Variants in FAP observed in about 807,000 individuals in gnomAD.
The protein encoded by FAP is prolyl endopeptidase FAP.
A neutral mutation model predicts 126.5 loss-of-function variants in FAP; 110 were observed. The ratio of observed to expected loss-of-function variants is 0.87; its 90% CI spans 0.74 to 1.02. The LOEUF is 1.02. FAP is among the 50% of genes least tolerant of loss of function. The probability of loss-of-function intolerance (pLI) is 0.00; values close to 1 mark genes in which losing one functional copy is unlikely to be tolerated. For missense variants in FAP, 919 were observed against 909.2 expected (o/e 1.01, Z -0.14); for synonymous variants, 334 against 297.3 (o/e 1.12, Z -1.27).
intron 2 of FAP, among the ~76,000 whole-genome samples, chr2:162,228,712 A>G (rs1689765939): frequency 6.6e-6 from 1 of 152,190 alleles, no homozygotes; most frequent in African/African-American, 2.4e-5. Context: ...TGTTTAATGA[A>G]ATGGTATTAT....
intron 4 of FAP, among the ~76,000 whole-genome samples, chr2:162,224,750 T>C (rs1233483904): frequency 2.6e-5 from 4 of 152,124 alleles, no homozygotes; most frequent in Admixed American, 6.6e-5. Context: ...AATATATACT[T>C]TGTGATTTCA....
At chr2:162,225,628 T>C in intron 3 of FAP, 51 bp from the exon 4 acceptor site, 4 of 1,509,284 alleles carry the variant, frequency 2.7e-6, no homozygotes, top group Non-Finnish European at 3.6e-6. Context: ...TAACATGAAA[T>C]ACATTCCTAA....
intron 25 of FAP, 123 bp downstream of exon 25, chr2:162,172,688 T>C (rs996148343): frequency 3.1e-6 from 2 of 654,268 alleles, no homozygotes; most frequent in Non-Finnish European, 5.4e-6. Flanking sequence ...ATGTTCTGCC[T>C]ACTCTATCCT....
intron 12 of FAP, among the ~76,000 whole-genome samples, chr2:162,207,918 C>T (rs944352890): frequency 2.0e-5 from 3 of 151,036 alleles, no homozygotes; most frequent in African/African-American, 7.3e-5. Flanking sequence ...ACAGTGTTAG[C>T]CAGGATGGTC....
chr2:162,176,959 C>T (rs1687507618), intron 21 of FAP, among the ~76,000 whole-genome samples: 1 of 152,022 alleles, frequency 6.6e-6, no homozygotes, highest in African/African-American at 2.4e-5. Flanking sequence ...AGAGCAAAAG[C>T]GACTGTATCA....
intron 2 of FAP, among the ~76,000 whole-genome samples, chr2:162,232,952 T>C (rs1475693350): frequency 6.6e-6 from 1 of 152,138 alleles, no homozygotes; most frequent in Non-Finnish European, 1.5e-5. Context: ...ACTTGACATT[T>C]TGGCATGGCT....
In FAP at chr2:162,243,340, T is replaced by C; in HGVS notation, c.-13A>G. 1 of 1,610,868 alleles carries C rather than the reference T, an allele frequency of 6.2e-7. No homozygotes were observed. Among genetic ancestry groups the C allele is most frequent in the South Asian group, 1.1e-5 (1 of 90,616 alleles). On this transcript the variant is annotated 5_prime_UTR_variant, in exon 1 of 26. Coordinates refer to ENST00000188790, the MANE Select transcript of FAP (RefSeq NM_004460.5). ...TACTAACCTTCATTTTTCCAGATGT[T>C]TTTGAAAGTTAGCTAATTCTGTCTT...
At position 162,198,818 on chromosome 2, in the gene FAP, C is replaced by T; in HGVS notation, c.1341G>A (p.Arg447=). The T allele has an allele frequency of 6.2e-6, 10 of 1,613,936 alleles. No homozygotes were observed. The highest frequency in any genetic ancestry group is 8.5e-6 in the Non-Finnish European group (10 of 1,179,862). ...TGAAACTTGCTGTGTAATATTGGCA[C>T]CTTTCTTTCCTTAGATGGCAAGTAA... ...KCVTCHLRKE[R]CQYYTASFSD... is the part of the protein sequence containing the mutation. Residue 447 remains arginine (R), a synonymous_variant, in exon 16 of 26, where the codon AGG becomes AGA. Coordinates refer to ENST00000188790, the MANE Select transcript of FAP (RefSeq NM_004460.5).
intron 5 of FAP, among the ~76,000 whole-genome samples, 200 bp downstream of exon 5, chr2:162,224,266 A>T (rs1056555841): frequency 1.3e-5 from 2 of 152,072 alleles, no homozygotes; most frequent in African/African-American, 4.8e-5. Context: ...ATTATTTTGG[A>T]CTCTGTTCCT....
intron 17 of FAP, among the ~76,000 whole-genome samples, chr2:162,191,362 C>G (rs1576148719): frequency 6.6e-6 from 1 of 152,010 alleles, no homozygotes; most frequent in Non-Finnish European, 1.5e-5. Flanking sequence ...GGCAATTTTT[C>G]CACCTCTTGG....
chr2:162,210,003 G>A lies in FAP; in HGVS notation c.1003-7C>T. ...CTTCTATATGCTCCTGGGTCTAAAA[G>A]ACAAAAGATCACATCGAACATAGTA... On this transcript the variant is annotated splice_region_variant and splice_polypyrimidine_tract_variant and intron_variant, in intron 11 of 25. Transcript: ENST00000188790. 1 of 1,611,796 alleles carries A rather than the reference G, an allele frequency of 6.2e-7. No individual in the cohort carries two copies. Among genetic ancestry groups the A allele is most frequent in the Non-Finnish European group, 8.5e-7 (1 of 1,178,770 alleles).
At chr2:162,173,252 T>C in intron 23 of FAP, 31 bp from the exon 24 acceptor site, 3 of 1,527,290 alleles carry the variant, frequency 2.0e-6, no homozygotes, top group Non-Finnish European at 2.7e-6. Context: ...AACATTTTAG[T>C]TGCTGCAAGT....
intron 10 of FAP, among the ~76,000 whole-genome samples, chr2:162,214,443 A>G (rs371841674): frequency 6.6e-6 from 1 of 152,042 alleles, no homozygotes; most frequent in Non-Finnish European, 1.5e-5. Context: ...CCTTATAATT[A>G]GTTGAGAGAG....
chr2:162,186,424 G>A (rs1333525989), intron 20 of FAP, among the ~76,000 whole-genome samples: 9 of 151,988 alleles, frequency 5.9e-5, no homozygotes, highest in Non-Finnish European at 1.3e-4. Context: ...TTTGTGTCCT[G>A]TATGTTGAAT....
At chr2:162,195,254 T>C (rs1688209166) in intron 16 of FAP, among the ~76,000 whole-genome samples, 1 of 152,000 alleles carries the variant, frequency 6.6e-6, no homozygotes, top group Admixed American at 6.6e-5. Context: ...CCTTTTAAAA[T>C]ATGCTGTGGC....
At chr2:162,179,900 C>T (rs1221728633) in intron 21 of FAP, among the ~76,000 whole-genome samples, 1 of 151,326 alleles carries the variant, frequency 6.6e-6, no homozygotes, top group African/African-American at 2.4e-5. Context: ...CCTCTACCTC[C>T]CGGGTTCAAG....
rs1299541639 is a variant in FAP, at chr2:162,211,284, T to A, written c.1003-1288A>T. Among the ~76,000 whole-genome samples, 4 of 152,212 alleles carry A rather than the reference T, an allele frequency of 2.6e-5. No homozygotes were observed. The South Asian group carries it at 8.3e-4, about 32-fold the overall frequency. ...TCACCTAGGTTCCCGAATGACTATA[T>A]GAAGCAGAGTGCACCATTCCCCAAC... On this transcript the variant is annotated intron_variant, in intron 11 of 25. Coordinates refer to ENST00000188790, the MANE Select transcript of FAP (RefSeq NM_004460.5).
In FAP at chr2:162,189,635, G is replaced by A. The variant is rs757337304; in HGVS notation, c.1549+21C>T. 13 of 1,329,768 alleles carry A rather than the reference G, an allele frequency of 9.8e-6. No homozygotes were observed. The Middle Eastern group carries it at 7.7e-4, about 79-fold the overall frequency. 82.4% of individuals were successfully genotyped at this position (1,329,768 alleles called of 1,614,324 possible). On this transcript the variant is annotated intron_variant, in intron 18 of 25. Coordinates refer to ENST00000188790, the MANE Select transcript of FAP (RefSeq NM_004460.5). ...TGCTCAGCTTCATATCTATAAATGA[G>A]AAGTTTTTAAAAGATCTTACTAATT...
At chr2:162,236,624 G>A (rs1261256281) in intron 2 of FAP, among the ~76,000 whole-genome samples, 1 of 151,796 alleles carries the variant, frequency 6.6e-6, no homozygotes, top group South Asian at 2.1e-4. Flanking sequence ...TGGTGGGGGG[G>A]CAGGGAGACA....
Sources: allele counts gnomAD v4.1 joint callset (sites outside exome capture counted in the v4.1 genomes callset), GRCh38; gene constraint gnomAD v4.1.1; transcripts MANE v1.5; gene names NCBI Gene and HGNC (gene_info 2026-07-23, HGNC 2026-07-21).